MESD: variants seen among roughly 807,000 people sequenced by gnomAD.
MESD encodes LRP chaperone MESD.
A neutral mutation model predicts 12.9 loss-of-function variants in MESD; 7 were observed. The observed-to-expected ratio is 0.54, with a 90% confidence interval of 0.31 to 1.02. The LOEUF (loss-of-function observed/expected upper bound fraction) is 1.02. MESD is among the 50% of genes least tolerant of loss of function. MESD has a pLI of 0.05. For synonymous variants in MESD, 126 were observed against 115.6 expected, an observed-to-expected ratio of 1.09 and a Z score of -0.58; for missense variants, 342 against 296.7, an observed-to-expected ratio of 1.15 and a Z score of -1.12.
At position 80,976,061 on chromosome 15, in the gene MESD, T is replaced by G. The variant is rs534181302; in HGVS notation, c.*3158A>C. The G allele has an allele frequency of 1.1e-4, 17 of 152,384 alleles. No individual in the cohort carries two copies. The highest frequency in any genetic ancestry group is 8.5e-4 in the Admixed American group (13 of 15,292). The allele number at this position is 152,384 out of a possible 1,614,324, so 9.4% of individuals were successfully genotyped here. ...TCATCCAGGCTGGAGTGCAGTGGCCTGATCTTGGCTCACTGCAACCTCCGC... is the reference window on the plus strand; with the variant it reads ...TCATCCAGGCTGGAGTGCAGTGGCCGGATCTTGGCTCACTGCAACCTCCGC... On this transcript the variant is annotated 3_prime_UTR_variant, in exon 3 of 3. Transcript: ENST00000261758.
Position 80,977,890 on chromosome 15 carries a change from T to C in MESD, c.*1329A>G, listed in dbSNP as rs1390290784. ...CCTGGAGAGGGCATGGCCTGGAGGG[T>C]GGGGGGACTGCAGGGCAAATGTCCC... is the stretch of plus-strand genomic sequence containing the variant. On this transcript the variant is annotated 3_prime_UTR_variant, in exon 3 of 3. Coordinates refer to ENST00000261758, the MANE Select transcript of MESD (RefSeq NM_015154.3). 6.6e-6 allele frequency: 1 copy of C among 152,102 alleles called. No homozygotes were observed. Among genetic ancestry groups the C allele is most frequent in the Non-Finnish European group, 1.5e-5 (1 of 68,050 alleles). 9.4% of individuals were successfully genotyped at this position (152,102 alleles called of 1,614,324 possible). A position where few individuals can be genotyped will look rare whatever the true frequency, so the allele number is the denominator to read the frequency against.
At chr15:80,981,633 A>G (rs1026860468) in intron 2 of MESD, among the ~76,000 whole-genome samples, 4 of 152,038 alleles carry the variant, frequency 2.6e-5, no homozygotes, top group Admixed American at 2.6e-4. Context: ...AGGCGGGTGC[A>G]TCACCTGAAG....
At chr15:80,957,599 AAC>A (rs36008211) in intron 3 of MESD, among the ~76,000 whole-genome samples, 5,685 of 147,702 alleles carry the variant, frequency 0.038, 330 homozygotes, top group African/African-American at 0.13. Context: ...TCCACTGCAA[AAC>A]ACACACACAC....
chr15:80,956,529 T>C (rs1020634395), intron 3 of MESD, among the ~76,000 whole-genome samples: 17 of 152,130 alleles, frequency 1.1e-4, no homozygotes, highest in Non-Finnish European at 4.4e-5. Context: ...CATTGAGGTG[T>C]TCTCTAATCA....
chr15:80,956,788 G>C (rs1056214470), intron 3 of MESD, among the ~76,000 whole-genome samples: 16 of 152,060 alleles, frequency 1.1e-4, no homozygotes, highest in Admixed American at 2.6e-4. Flanking sequence ...GCATGCAGAG[G>C]GGGTGGCTGT....
chr15:80,973,957 A>T (rs184229483), downstream of MESD, among the ~76,000 whole-genome samples: 801 of 152,210 alleles, frequency 5.3e-3, 8 homozygotes, highest in African/African-American at 0.018. Flanking sequence ...AGTGAAGCAA[A>T]GAACATCCCA....
downstream of MESD, chr15:80,947,282 T>C (rs148955306): frequency 1.1e-3 from 574 of 523,628 alleles, 3 homozygotes; most frequent in East Asian, 0.017. Flanking sequence ...TTATTATAAC[T>C]TGCCACCAGC....
chr15:80,972,899 G>C (rs760632412), downstream of MESD, among the ~76,000 whole-genome samples: 2 of 152,178 alleles, frequency 1.3e-5, no homozygotes, highest in Non-Finnish European at 2.9e-5. Context: ...GCAGGTGCCT[G>C]TAATTCCAGC....
intron 3 of MESD, among the ~76,000 whole-genome samples, chr15:80,959,630 C>T (rs1902050599): frequency 6.6e-6 from 1 of 152,164 alleles, no homozygotes; most frequent in Admixed American, 6.5e-5. Flanking sequence ...AGAACACTTA[C>T]GAACCCTCTT....
At chr15:80,960,365 T>TAA (rs11295365) in intron 3 of MESD, among the ~76,000 whole-genome samples, 1 of 112,334 alleles carries the variant, frequency 8.9e-6, no homozygotes. Flanking sequence ...ATCCTGTGTT[T>TAA]AAAAAAAAAA....
intron 1 of MESD, among the ~76,000 whole-genome samples, chr15:80,984,301 T>C (rs1350221438): frequency 2.6e-5 from 4 of 152,136 alleles, no homozygotes; most frequent in Non-Finnish European, 5.9e-5. Flanking sequence ...TGGCTGGGTA[T>C]GGTGGCTCAC....
chr15:80,965,434 C>T (rs1230142406), intron 3 of MESD, among the ~76,000 whole-genome samples: 1 of 152,132 alleles, frequency 6.6e-6, no homozygotes, highest in Non-Finnish European at 1.5e-5. Context: ...ACCATTTGAC[C>T]CAGCAATCCC....
intron 2 of MESD, among the ~76,000 whole-genome samples, chr15:80,980,741 G>C (rs191422240): frequency 1.5e-3 from 221 of 152,102 alleles, no homozygotes; most frequent in African/African-American, 4.5e-3. Context: ...TTCAAGATCA[G>C]CCTGGGCAAC....
chr15:80,953,322 G>T (rs920390127), intron 3 of MESD, among the ~76,000 whole-genome samples: 1 of 152,190 alleles, frequency 6.6e-6, no homozygotes, highest in Admixed American at 6.5e-5. Context: ...AGGCATCCAG[G>T]GAGGACTTGG....
chr15:80,971,665 C>T (rs1388665897), downstream of MESD, among the ~76,000 whole-genome samples: 1 of 152,066 alleles, frequency 6.6e-6, no homozygotes, highest in Non-Finnish European at 1.5e-5. Flanking sequence ...CTCACTCTGT[C>T]CCCCAGGCTG....
At chr15:80,959,687 A>G (rs60065485) in intron 3 of MESD, among the ~76,000 whole-genome samples, 20,748 of 152,182 alleles carry the variant, frequency 0.14, 1,439 homozygotes, top group Middle Eastern at 0.2. Context: ...CTCTTCTTCC[A>G]ATCCCCCCAC....
intron 1 of MESD, among the ~76,000 whole-genome samples, chr15:80,989,290 G>C (rs1010752218): frequency 1.1e-4 from 16 of 152,196 alleles, no homozygotes; most frequent in Non-Finnish European, 1.5e-5. Flanking sequence ...AGGGTGAAGG[G>C]AGAGCAAAGC....
chr15:80,957,271 G>GA (rs989073104), intron 3 of MESD, among the ~76,000 whole-genome samples: 8 of 148,328 alleles, frequency 5.4e-5, no homozygotes, highest in Admixed American at 2.0e-4. Flanking sequence ...CACTGCAGAA[G>GA]AAAAAAAAAC....
chr15:80,975,589 C>G (rs1050755573), downstream of MESD, among the ~76,000 whole-genome samples: 1 of 151,206 alleles, frequency 6.6e-6, no homozygotes, highest in African/African-American at 2.4e-5. Context: ...TTCCCTTGTT[C>G]AGTGGTTAAT....
Sources: gnomAD v4.1 joint callset for allele counts (sites outside exome capture counted in the v4.1 genomes callset) on GRCh38, gnomAD v4.1.1 for gene constraint, MANE v1.5 for transcripts, NCBI Gene and HGNC (gene_info 2026-07-23, HGNC 2026-07-21) for gene names.